Variants in LIFR observed in about 807,000 individuals in gnomAD.
The protein encoded by LIFR is leukemia inhibitory factor receptor.
Under a neutral mutation model 122.2 loss-of-function variants are expected in LIFR, and 84 were observed. The observed-to-expected ratio is 0.69, with a 90% CI of 0.58 to 0.82. LIFR has a LOEUF of 0.82. Among genes scored for constraint, LIFR ranks in the 40% least tolerant of loss-of-function variants. The pLI, the probability that LIFR is intolerant of heterozygous loss-of-function variation, is 0.00. For missense variants in LIFR, 1,294 were observed against 1,311.6 expected (o/e 0.99, Z 0.21); for synonymous variants, 422 against 434.7 (o/e 0.97, Z 0.36).
intron 4 of LIFR, among the ~76,000 whole-genome samples, chr5:38,525,632 C>G (rs1166057076): frequency 6.6e-6 from 1 of 152,164 alleles, no homozygotes; most frequent in Admixed American, 6.5e-5. Flanking sequence ...AACAGTTACA[C>G]AGCTGTATAA....
At chr5:38,526,644 C>A (rs1046302576) in intron 4 of LIFR, among the ~76,000 whole-genome samples, 3 of 152,124 alleles carry the variant, frequency 2.0e-5, no homozygotes, top group Non-Finnish European at 2.9e-5. Flanking sequence ...CCATCTCCTC[C>A]GTTCCTTACA....
In LIFR at chr5:38,482,639, G is replaced by C. The variant is rs918622723; in HGVS notation, c.2620C>G (p.Pro874Ala). The C allele has an allele frequency of 2.7e-6, 4 of 1,483,080 alleles. No homozygotes were observed. Among genetic ancestry groups the C allele is most frequent in the Non-Finnish European group, 3.7e-6 (4 of 1,088,662 alleles). The allele number at this position is 1,483,080 out of a possible 1,614,324, so 91.9% of individuals were successfully genotyped here. Residue 874 changes from proline (P) to alanine (A), a missense_variant, in exon 19 of 20, where the codon CCA (proline) becomes GCA (alanine). Physicochemically the swap from Pro to Ala is conservative, Grantham distance 27. Coordinates refer to ENST00000453190, the MANE Select transcript of LIFR (RefSeq NM_001127671.2). ...WIKETFYPDIPNPENCKALQF... is the reference protein window; with the variant it reads ...WIKETFYPDIANPENCKALQF... Reference sequence around the variant, plus strand: ...AATGCTTTACAGTTTTCTGGATTTGGAATATCAGGGTAGAAGGTTTCTTTA... The same window carrying C: ...AATGCTTTACAGTTTTCTGGATTTGCAATATCAGGGTAGAAGGTTTCTTTA...
chr5:38,502,727 G>C lies in LIFR; in HGVS notation c.1510C>G (p.Leu504Val), dbSNP rs768265879. ...VALDKLNPYTLYTFRIRCSTE... is the reference protein window; with the variant it reads ...VALDKLNPYTVYTFRIRCSTE... ...GAACAACGAATCCGAAAAGTATATA[G>C]AGTGTATGGATTTAACTTGTCCAGA... The change falls in exon 11 of 20, where the codon CTA becomes GTA. Residue 504 changes from leucine to valine, a missense_variant. Transcript: ENST00000453190. The C allele has an allele frequency of 1.9e-6, 3 of 1,610,028 alleles. No individual in the cohort carries two copies. Among genetic ancestry groups the C allele is most frequent in the Non-Finnish European group, 2.6e-6 (3 of 1,176,426 alleles).
At chr5:38,518,066 A>G (rs1746199413) in intron 5 of LIFR, among the ~76,000 whole-genome samples, 1 of 151,552 alleles carries the variant, frequency 6.6e-6, no homozygotes, top group African/African-American at 2.4e-5. Context: ...CAGCTATATG[A>G]TCATGCCACT....
At chr5:38,538,024 GC>G (rs1336750807) in intron 1 of LIFR, among the ~76,000 whole-genome samples, 1 of 152,040 alleles carries the variant, frequency 6.6e-6, no homozygotes, top group Non-Finnish European at 1.5e-5. Flanking sequence ...TCCTGATGTT[GC>G]CTTCAAGTAC....
In LIFR at chr5:38,482,603, T is replaced by C. The variant is rs1744054900; in HGVS notation, c.2656A>G (p.Lys886Glu). ...PENCKALQFQ[K>E]SVCEGSSALK... ...TAAAAGATTACCTCACAGACACTCT[T>C]TTGAAACTGTAATGCTTTACAGTTT... Residue 886 changes from lysine (K) to glutamate (E), a missense_variant, in exon 19 of 20, where the codon AAG (lysine) becomes GAG (glutamate). By Grantham distance (56) the Lys-to-Glu change is moderately conservative. Transcript: ENST00000453190. 4.7e-6 allele frequency: 7 copies of C among 1,490,538 alleles called. No homozygotes were observed. The South Asian group carries it at 7.7e-5, about 16-fold the overall frequency. 92.3% of individuals were successfully genotyped at this position (1,490,538 alleles called of 1,614,324 possible).
intron 1 of LIFR, 118 bp downstream of exon 1, chr5:38,556,216 G>C (rs1482131054): frequency 6.6e-6 from 1 of 151,950 alleles, no homozygotes; most frequent in East Asian, 2.0e-4. Context: ...CACTCCCCTA[G>C]GACGCTCCGC....
chr5:38,523,017 A>T (rs73749270), intron 5 of LIFR, among the ~76,000 whole-genome samples: 2,931 of 151,956 alleles, frequency 0.019, 80 homozygotes, highest in African/African-American at 0.065. Flanking sequence ...ATAGATTTAT[A>T]AAAAAAAATT....
At chr5:38,483,842 A>G (rs1302583882) in intron 18 of LIFR, among the ~76,000 whole-genome samples, 1 of 152,204 alleles carries the variant, frequency 6.6e-6, no homozygotes, top group African/African-American at 2.4e-5. Context: ...GATTGCTAAA[A>G]TATGTTCTCT....
At chr5:38,540,770 A>C (rs1228820530) in intron 1 of LIFR, among the ~76,000 whole-genome samples, 2 of 131,140 alleles carry the variant, frequency 1.5e-5, no homozygotes, top group Admixed American at 1.6e-4. Context: ...GCTGGCAATT[A>C]ATTCCAATTA....
chr5:38,571,187 A>C (rs1484021075), intron 1 of LIFR, among the ~76,000 whole-genome samples: 1 of 152,220 alleles, frequency 6.6e-6, no homozygotes, highest in Non-Finnish European at 1.5e-5. Flanking sequence ...GATCAGATTC[A>C]GAGCCAAGGT....
At chr5:38,511,482 T>C (rs1745800765) in intron 6 of LIFR, among the ~76,000 whole-genome samples, 1 of 152,144 alleles carries the variant, frequency 6.6e-6, no homozygotes. Context: ...TGTTTTTTTT[T>C]TTTAAACATA....
chr5:38,541,032 AT>A (rs1747563412), intron 1 of LIFR, among the ~76,000 whole-genome samples: 1 of 151,990 alleles, frequency 6.6e-6, no homozygotes. Flanking sequence ...ATAATTCAAA[AT>A]TTTTTTCTTT....
In LIFR at chr5:38,479,347, G is replaced by A. The variant is rs545771896; in HGVS notation, c.*2248C>T. ...GGGGATCCAAAAGTAGGGGAAAGGT[G>A]AGTGATATTCTGCACTTTTTTCATA... is the stretch of plus-strand genomic sequence containing the variant. On this transcript the variant is annotated 3_prime_UTR_variant, in exon 20 of 20. Transcript: ENST00000453190. 1 of 231,354 alleles carries A rather than the reference G, an allele frequency of 4.3e-6. No individual in the cohort carries two copies. Among genetic ancestry groups the A allele is most frequent in the Admixed American group, 5.6e-5 (1 of 17,710 alleles). 14.3% of individuals were successfully genotyped at this position (231,354 alleles called of 1,614,324 possible).
chr5:38,581,124 G>A (rs1435399203), intron 1 of LIFR, among the ~76,000 whole-genome samples: 4 of 152,084 alleles, frequency 2.6e-5, no homozygotes, highest in Non-Finnish European at 5.9e-5. Context: ...CACATGGTAT[G>A]TGCACAATAA....
In LIFR at chr5:38,499,573, C is replaced by A; in HGVS notation, c.1611G>T (p.Lys537Asn). The A allele has an allele frequency of 6.2e-7, 1 of 1,605,796 alleles. No individual in the cohort carries two copies. The highest frequency in any genetic ancestry group is 1.7e-5 in the Admixed American group (1 of 60,020). Reference protein sequence around the residue: ...QHLTTEASPSKGPDTWREWSS... With the variant: ...QHLTTEASPSNGPDTWREWSS... ...TCCACTCTCTCCAAGTATCAGGCCCCTTTGAAGGACCTAAAAAGGAGATTT... is the reference window on the plus strand; with the variant it reads ...TCCACTCTCTCCAAGTATCAGGCCCATTTGAAGGACCTAAAAAGGAGATTT... Residue 537 changes from lysine (K) to asparagine (N), a missense_variant, in exon 12 of 20, where the codon AAG becomes AAT. Lys to Asn is a moderately conservative substitution (Grantham distance 94, BLOSUM62 0). Coordinates refer to ENST00000453190, the MANE Select transcript of LIFR (RefSeq NM_001127671.2).
rs111432615 is a variant in LIFR, at chr5:38,530,588, C to G, written c.60G>C (p.Met20Ile). The change falls in exon 2 of 20, where the codon ATG becomes ATC. Residue 20 changes from methionine to isoleucine, a missense_variant. By Grantham distance (10) the Met-to-Ile change is conservative. Coordinates refer to ENST00000453190, the MANE Select transcript of LIFR (RefSeq NM_001127671.2). ...GCCACTGGAAATTTGAAGCAGTCCT[C>G]ATTCTTTTATTGTCCACCATCCAGG... ...RPSWMVDNKR[M>I]RTASNFQWLL... 15 of 1,612,302 alleles carry G rather than the reference C, an allele frequency of 9.3e-6. No homozygotes were observed. In the African/African-American group the frequency reaches 1.5e-4, roughly 16 times the overall value.
rs1166044247 is a variant in LIFR, at chr5:38,510,614, G to A, written c.841C>T (p.Leu281=). The A allele has an allele frequency of 1.9e-6, 3 of 1,614,046 alleles. No homozygotes were observed. Among genetic ancestry groups the A allele is most frequent in the Non-Finnish European group, 2.5e-6 (3 of 1,179,966 alleles). Residue 281 remains leucine (L), a synonymous_variant, in exon 7 of 20, where the codon CTG becomes TTG. Coordinates refer to ENST00000453190, the MANE Select transcript of LIFR (RefSeq NM_001127671.2). ...AAGGGGCAGTTTGTATGGCCAATCA[G>A]TGCTGATAACACTTTTTCTTGACTC... ...CVSQEKVLSA[L]IGHTNCPLIH...
intron 1 of LIFR, among the ~76,000 whole-genome samples, chr5:38,576,170 A>G (rs1217557446): frequency 6.6e-6 from 1 of 152,120 alleles, no homozygotes; most frequent in Non-Finnish European, 1.5e-5. Flanking sequence ...CCAAATTTAA[A>G]GTTGTGAACC....
Sources: allele counts gnomAD v4.1 joint callset (sites outside exome capture counted in the v4.1 genomes callset), GRCh38; gene constraint gnomAD v4.1.1; transcripts MANE v1.5; gene names NCBI Gene and HGNC (gene_info 2026-07-23, HGNC 2026-07-21).